Variants in PTPRD observed in about 807,000 individuals in gnomAD.
PTPRD encodes receptor-type tyrosine-protein phosphatase delta.
In PTPRD, 34 loss-of-function variants were observed where a neutral mutation model predicts 214.5. The ratio of observed to expected loss-of-function variants is 0.16; its 90% CI spans 0.12 to 0.21. PTPRD has a LOEUF of 0.21. Among genes scored for constraint, PTPRD ranks in the 10% least tolerant of loss-of-function variants. The pLI is 1.00. For missense variants in PTPRD, 2,545 were observed against 2,398.7 expected (o/e 1.06, Z -1.27); for synonymous variants, 1,128 against 845.7 (o/e 1.33, Z -5.79).
At chr9:8,721,608 G>C (rs933934305) in intron 12 of PTPRD, among the ~76,000 whole-genome samples, 5 of 151,872 alleles carry the variant, frequency 3.3e-5, no homozygotes, top group African/African-American at 1.2e-4. Context: ...TGTTTATTTA[G>C]CATTTACTAT....
intron 7 of PTPRD, among the ~76,000 whole-genome samples, chr9:9,605,524 A>G (rs569545160): frequency 2.6e-5 from 4 of 152,206 alleles, no homozygotes; most frequent in South Asian, 4.1e-4. Context: ...CCCCACAACA[A>G]AAGTTTTCTA....
In PTPRD at chr9:8,877,754, A is replaced by G. The variant is rs112000487; in HGVS notation, c.-104+140943T>C. On this transcript the variant is annotated intron_variant, in intron 11 of 45. Transcript: ENST00000381196. Reference sequence around the variant, plus strand: ...TTTACACTCATAAATGAGACAGGCCAATAGACAAAGTTACCAGAGTCATGA... The same window carrying G: ...TTTACACTCATAAATGAGACAGGCCGATAGACAAAGTTACCAGAGTCATGA... Among the ~76,000 whole-genome samples, 253 of 152,312 alleles carry G rather than the reference A, an allele frequency of 1.7e-3. 5 individuals are homozygous for G. The highest frequency in any genetic ancestry group is 5.3e-3 in the African/African-American group (219 of 41,570).
At chr9:10,157,766 A>G (rs1409082736) in intron 3 of PTPRD, among the ~76,000 whole-genome samples, 2 of 152,134 alleles carry the variant, frequency 1.3e-5, no homozygotes. Context: ...CATCTCTTTC[A>G]GGGACAAAAA....
intron 4 of PTPRD, among the ~76,000 whole-genome samples, chr9:9,988,399 T>G (rs1364757585): frequency 6.6e-6 from 1 of 152,194 alleles, no homozygotes. Flanking sequence ...ACTAAATTGA[T>G]CAGTTCAAGA....
At chr9:9,328,298 CA>C (rs2040843134) in intron 9 of PTPRD, among the ~76,000 whole-genome samples, 1 of 152,080 alleles carries the variant, frequency 6.6e-6, no homozygotes, top group African/African-American at 2.4e-5. Context: ...ATACATACTA[CA>C]TTCATTCTTA....
At chr9:9,259,800 T>G (rs995931694) in intron 9 of PTPRD, among the ~76,000 whole-genome samples, 2 of 151,848 alleles carry the variant, frequency 1.3e-5, no homozygotes, top group African/African-American at 4.8e-5. Context: ...CTCGCACACA[T>G]GGTCTTCTGA....
intron 4 of PTPRD, among the ~76,000 whole-genome samples, chr9:9,953,943 A>T (rs1202078955): frequency 6.6e-6 from 1 of 152,048 alleles, no homozygotes; most frequent in Non-Finnish European, 1.5e-5. Flanking sequence ...TGTGTTTTTT[A>T]AAATTATATT....
At chr9:9,708,993 T>G (rs559390573) in intron 7 of PTPRD, among the ~76,000 whole-genome samples, 1 of 152,122 alleles carries the variant, frequency 6.6e-6, no homozygotes, top group South Asian at 2.1e-4. Flanking sequence ...CATGAGCTTC[T>G]TGAGGACAAT....
chr9:9,177,626 G>T (rs1010463796), intron 10 of PTPRD, among the ~76,000 whole-genome samples: 2 of 151,922 alleles, frequency 1.3e-5, no homozygotes, highest in African/African-American at 4.8e-5. Flanking sequence ...CCAAACTGAT[G>T]ATCTTTTAAA....
At chr9:10,491,240 C>T (rs74390789) in intron 2 of PTPRD, among the ~76,000 whole-genome samples, 5,524 of 152,058 alleles carry the variant, frequency 0.036, 147 homozygotes, top group Non-Finnish European at 0.055. Flanking sequence ...AAAAATGCAA[C>T]GTATAATCAC....
At chr9:8,694,974 T>TA (rs1338686518) in intron 12 of PTPRD, among the ~76,000 whole-genome samples, 6 of 152,150 alleles carry the variant, frequency 3.9e-5, no homozygotes, top group Non-Finnish European at 7.4e-5. Flanking sequence ...AAAAGTGGTT[T>TA]AAAAAATAAG....
chr9:10,006,292 G>C (rs1178567093), intron 4 of PTPRD, among the ~76,000 whole-genome samples: 1 of 151,960 alleles, frequency 6.6e-6, no homozygotes, highest in Non-Finnish European at 1.5e-5. Flanking sequence ...CTTTGACAAT[G>C]TGACTAGTCT....
Position 9,178,407 on chromosome 9 carries a change from G to A in PTPRD, c.-143+4897C>T, listed in dbSNP as rs147664155. On this transcript the variant is annotated intron_variant, in intron 10 of 45. Coordinates refer to ENST00000381196, the MANE Select transcript of PTPRD (RefSeq NM_002839.4). ...TCTTTCCTTCTTTCTATCAAAGGGT[G>A]ATGTGGTTTTAAACACAGAATAAAA... Among the ~76,000 whole-genome samples the A allele has an allele frequency of 2.0e-5, 3 of 151,344 alleles. No individual in the cohort carries two copies. In the East Asian group the frequency reaches 5.9e-4, roughly 30 times the overall value.
chr9:9,500,421 GCAGTA>G (rs1237450789), intron 8 of PTPRD, among the ~76,000 whole-genome samples: 1 of 152,064 alleles, frequency 6.6e-6, no homozygotes, highest in African/African-American at 2.4e-5. Context: ...TTTCCTGATA[GCAGTA>G]CAGGAAGGTA....
intron 2 of PTPRD, among the ~76,000 whole-genome samples, chr9:10,488,229 C>T (rs995611620): frequency 1.8e-4 from 27 of 151,056 alleles, no homozygotes; most frequent in African/African-American, 5.1e-4. Flanking sequence ...TAGCTGGGCG[C>T]GGTGGCGGGC....
At chr9:10,161,010 C>G in intron 3 of PTPRD, among the ~76,000 whole-genome samples, 1 of 151,630 alleles carries the variant, frequency 6.6e-6, no homozygotes, top group Admixed American at 6.6e-5. Context: ...TCAATTTAAC[C>G]AAAGATATAA....
At chr9:9,408,392 A>T (rs116750047) in intron 8 of PTPRD, among the ~76,000 whole-genome samples, 2,283 of 151,918 alleles carry the variant, frequency 0.015, 47 homozygotes, top group African/African-American at 0.045. Flanking sequence ...ATACAGCTCA[A>T]ATATAAATGA....
chr9:10,497,817 GTTTA>G (rs1306787268), intron 2 of PTPRD, among the ~76,000 whole-genome samples: 3 of 151,780 alleles, frequency 2.0e-5, no homozygotes, highest in Middle Eastern at 3.2e-3. Flanking sequence ...TAAAATTAAC[GTTTA>G]TTGTTTTATA....
intron 9 of PTPRD, among the ~76,000 whole-genome samples, chr9:9,384,954 T>C (rs10816106): frequency 0.23 from 35,556 of 151,984 alleles, 4,230 homozygotes; most frequent in Middle Eastern, 0.37. Context: ...ATTGAGCATA[T>C]ATATGTTCAA....
Sources: gnomAD v4.1 joint callset for allele counts (sites outside exome capture counted in the v4.1 genomes callset) on GRCh38, gnomAD v4.1.1 for gene constraint, MANE v1.5 for transcripts, NCBI Gene and HGNC (gene_info 2026-07-23, HGNC 2026-07-21) for gene names.